Variants in PTPRD observed in about 807,000 individuals in gnomAD.
The protein encoded by PTPRD is receptor-type tyrosine-protein phosphatase delta.
PTPRD carries 34 observed loss-of-function variants against 214.5 expected under a neutral mutation model. The observed-to-expected ratio is 0.16, with a 90% CI of 0.12 to 0.21. The LOEUF is 0.21. PTPRD is among the 10% of genes least tolerant of loss of function. The pLI, the probability that PTPRD is intolerant of heterozygous loss-of-function variation, is 1.00. For missense variants in PTPRD, 2,545 were observed against 2,398.7 expected, an observed-to-expected ratio of 1.06 and a Z score of -1.27; for synonymous variants, 1,128 against 845.7, an observed-to-expected ratio of 1.33 and a Z score of -5.79.
intron 3 of PTPRD, among the ~76,000 whole-genome samples, chr9:10,160,843 A>G (rs1370360012): frequency 6.6e-6 from 1 of 151,940 alleles, no homozygotes; most frequent in Non-Finnish European, 1.5e-5. Flanking sequence ...AACATAAAAC[A>G]AAGTTAGAAC....
At chr9:8,691,950 T>C (rs1253088997) in intron 12 of PTPRD, among the ~76,000 whole-genome samples, 1 of 152,156 alleles carries the variant, frequency 6.6e-6, no homozygotes, top group Non-Finnish European at 1.5e-5. Flanking sequence ...ATACCTCCTA[T>C]TTCTATCATT....
At chr9:9,006,903 C>T (rs1267605386) in intron 11 of PTPRD, among the ~76,000 whole-genome samples, 3 of 151,856 alleles carry the variant, frequency 2.0e-5, no homozygotes, top group Non-Finnish European at 2.9e-5. Context: ...ACATTTAATA[C>T]AGCTAGATAA....
chr9:8,825,213 T>A (rs531491432), intron 11 of PTPRD, among the ~76,000 whole-genome samples: 1 of 152,208 alleles, frequency 6.6e-6, no homozygotes, highest in African/African-American at 2.4e-5. Context: ...AAACCCTGTA[T>A]AGGGACTGTT....
At chr9:9,355,725 C>A (rs1017296132) in intron 9 of PTPRD, among the ~76,000 whole-genome samples, 3 of 151,376 alleles carry the variant, frequency 2.0e-5, no homozygotes, top group Non-Finnish European at 3.0e-5. Context: ...GTTTGAAAGC[C>A]ATGGGATTGA....
rs547030201 is a variant in PTPRD, at chr9:8,514,910, G to C, written c.1543+2938C>G. On this transcript the variant is annotated intron_variant, in intron 21 of 45. Transcript: ENST00000381196. ...CGTGATAGTGAGTGAATTCTCACGAGATCTAATGGTTTTATAAGGGGCTCT... is the reference window on the plus strand; with the variant it reads ...CGTGATAGTGAGTGAATTCTCACGACATCTAATGGTTTTATAAGGGGCTCT... Among the ~76,000 whole-genome samples the C allele has an allele frequency of 9.9e-5, 15 of 152,200 alleles. No homozygotes were observed. The South Asian group carries it at 2.9e-3, about 29-fold the overall frequency.
intron 30 of PTPRD, among the ~76,000 whole-genome samples, chr9:8,478,591 A>G (rs1214003067): frequency 6.6e-6 from 1 of 152,176 alleles, no homozygotes; most frequent in Non-Finnish European, 1.5e-5. Context: ...TCCCTATGTC[A>G]TTACAACTTG....
rs749103141 is a variant in PTPRD, at chr9:8,611,968, AGAGGG to A, written c.352+21344_352+21348del. 4.7e-3 allele frequency among the ~76,000 whole-genome samples: 542 copies of A among 114,868 alleles called. 7 individuals carry two copies. Among genetic ancestry groups the A allele is most frequent in the East Asian group, 0.03 (97 of 3,226 alleles). The allele number at this position is 114,868 out of a possible 152,430, so 75.4% of individuals were successfully genotyped here. On this transcript the variant is annotated intron_variant, in intron 14 of 45. Coordinates refer to ENST00000381196, the MANE Select transcript of PTPRD (RefSeq NM_002839.4). ...AAAAGAGAAAACAAAAGAAAACAAA[AGAGGG>A]GAGGGGAGGGGAGGGGAGGGTTTGG...
intron 2 of PTPRD, among the ~76,000 whole-genome samples, chr9:10,552,686 A>T (rs568773220): frequency 6.6e-5 from 10 of 152,276 alleles, no homozygotes; most frequent in African/African-American, 2.2e-4. Flanking sequence ...GGAGCACTGC[A>T]GATTTATGGC....
intron 10 of PTPRD, among the ~76,000 whole-genome samples, chr9:9,070,757 G>A (rs369040678): frequency 4.3e-4 from 65 of 152,130 alleles, no homozygotes; most frequent in African/African-American, 1.4e-3. Flanking sequence ...TAATTTTTTA[G>A]TTCAGGATTT....
chr9:10,488,353 T>C (rs1294922914), intron 2 of PTPRD, among the ~76,000 whole-genome samples: 1 of 125,242 alleles, frequency 8.0e-6, no homozygotes, highest in Non-Finnish European at 1.6e-5. Context: ...GGCAACAGAG[T>C]GAGACTCTGT....
At chr9:9,689,227 T>G (rs752483450) in intron 7 of PTPRD, among the ~76,000 whole-genome samples, 1 of 151,866 alleles carries the variant, frequency 6.6e-6, no homozygotes, top group Non-Finnish European at 1.5e-5. Flanking sequence ...ATTTGTAAAA[T>G]CAGTAAAATA....
At chr9:9,390,944 A>C (rs1569567923) in intron 9 of PTPRD, among the ~76,000 whole-genome samples, 1 of 152,186 alleles carries the variant, frequency 6.6e-6, no homozygotes, top group Non-Finnish European at 1.5e-5. Context: ...TTGGATTTCT[A>C]AGAAGATGGT....
intron 5 of PTPRD, among the ~76,000 whole-genome samples, chr9:9,892,949 A>C (rs536431181): frequency 6.6e-6 from 1 of 152,214 alleles, no homozygotes; most frequent in East Asian, 1.9e-4. Context: ...GTATGTTGGG[A>C]AAATTTGTAG....
At chr9:9,651,632 A>G (rs1032702499) in intron 7 of PTPRD, among the ~76,000 whole-genome samples, 2 of 151,888 alleles carry the variant, frequency 1.3e-5, no homozygotes, top group African/African-American at 4.8e-5. Context: ...TTTTCTTTAT[A>G]CAGTCTATCA....
At chr9:8,695,484 C>T (rs780978414) in intron 12 of PTPRD, among the ~76,000 whole-genome samples, 7 of 151,752 alleles carry the variant, frequency 4.6e-5, no homozygotes, top group Middle Eastern at 3.2e-3. Context: ...AAGAAGGAAG[C>T]GTCTAACAGG....
At chr9:9,084,300 G>A (rs1236071125) in intron 10 of PTPRD, among the ~76,000 whole-genome samples, 4 of 152,092 alleles carry the variant, frequency 2.6e-5, no homozygotes, top group Non-Finnish European at 5.9e-5. Flanking sequence ...ACTAATACAG[G>A]AACAGAAAAC....
chr9:9,763,238 A>G (rs1319167752), intron 6 of PTPRD, among the ~76,000 whole-genome samples: 1 of 152,192 alleles, frequency 6.6e-6, no homozygotes, highest in Non-Finnish European at 1.5e-5. Context: ...AATCACACAT[A>G]TGCATACCCA....
intron 5 of PTPRD, among the ~76,000 whole-genome samples, chr9:9,850,028 G>T (rs190534298): frequency 6.6e-6 from 1 of 152,064 alleles, no homozygotes; most frequent in African/African-American, 2.4e-5. Context: ...TCATGCTTGC[G>T]TAGTGAACTC....
At chr9:9,905,645 C>CA (rs2077386931) in intron 5 of PTPRD, among the ~76,000 whole-genome samples, 2 of 152,002 alleles carry the variant, frequency 1.3e-5, no homozygotes, top group African/African-American at 4.8e-5. Flanking sequence ...TAAAACTCAG[C>CA]ACAAAACCCA....
Sources: gnomAD v4.1 joint callset for allele counts (sites outside exome capture counted in the v4.1 genomes callset) on GRCh38, gnomAD v4.1.1 for gene constraint, MANE v1.5 for transcripts, NCBI Gene and HGNC (gene_info 2026-07-23, HGNC 2026-07-21) for gene names.